The following OSBP2 variants were observed in gnomAD, a reference collection of about 807,000 sequenced individuals.
The protein encoded by OSBP2 is oxysterol binding protein 2, also known as oxysterol-binding protein 2.
Under a neutral mutation model 96.0 loss-of-function variants are expected in OSBP2, and 66 were observed. The observed-to-expected ratio is 0.69, with a 90% confidence interval of 0.56 to 0.84. The LOEUF is 0.84. Among genes scored for constraint, OSBP2 ranks in the 40% least tolerant of loss-of-function variants. The probability of loss-of-function intolerance (pLI) is 0.00; values close to 1 mark genes in which losing one functional copy is unlikely to be tolerated. For synonymous variants in OSBP2, 525 were observed against 520.9 expected (o/e 1.01, Z -0.11); for missense variants, 1,038 against 1,222.7 (o/e 0.85, Z 2.25).
intron 3 of OSBP2, among the ~76,000 whole-genome samples, chr22:30,883,794 G>A (rs553607449): frequency 2.2e-3 from 335 of 150,156 alleles, no homozygotes; most frequent in African/African-American, 7.9e-3. Context: ...CCCTGCCTCC[G>A]CCACCGCCCT....
At chr22:30,793,337 C>A (rs1399356468) in intron 2 of OSBP2, among the ~76,000 whole-genome samples, 1 of 152,086 alleles carries the variant, frequency 6.6e-6, no homozygotes, top group Non-Finnish European at 1.5e-5. Context: ...TTGCAGTGAG[C>A]TGAGATCACA....
At chr22:30,799,013 CAA>C (rs136275) in intron 2 of OSBP2, among the ~76,000 whole-genome samples, 53 of 91,826 alleles carry the variant, frequency 5.8e-4, no homozygotes, top group African/African-American at 1.3e-3. Flanking sequence ...GACTCTGTCT[CAA>C]AAAAAAAAAA....
chr22:30,805,505 T>A (rs1250321122), intron 2 of OSBP2, among the ~76,000 whole-genome samples: 1 of 152,248 alleles, frequency 6.6e-6, no homozygotes, highest in African/African-American at 2.4e-5. Flanking sequence ...TCTATAAGCC[T>A]CTGTTTTATC....
chr22:30,705,847 G>A (rs1318831885), intron 1 of OSBP2, among the ~76,000 whole-genome samples: 5 of 152,198 alleles, frequency 3.3e-5, no homozygotes, highest in African/African-American at 1.2e-4. Context: ...GAGTGGAGGA[G>A]GGGGAGGGAA....
At chr22:30,892,926 A>C (rs763413774) in intron 8 of OSBP2, among the ~76,000 whole-genome samples, 196 bp from the exon 9 acceptor site, 1 of 152,152 alleles carries the variant, frequency 6.6e-6, no homozygotes, top group Non-Finnish European at 1.5e-5. Context: ...CAGCACCCGG[A>C]TGCTTTTCTG....
Position 30,695,415 on chromosome 22 carries a change from C to G in OSBP2, c.506C>G (p.Thr169Ser). Residue 169 changes from threonine (T) to serine (S), a missense_variant, in exon 1 of 14, where the codon ACT becomes AGT. Around this residue, in one of 3 missense-constraint regions of OSBP2, gnomAD observed 281 missense variants for 273.4 expected, o/e 1.03. Coordinates refer to ENST00000332585, the MANE Select transcript of OSBP2 (RefSeq NM_030758.4). ...CCTCTTGGGGTTCCAATGTCGGGGA[C>G]TGGCACGACCTCCAGTGCCCCACTG... ...KTPLGVPMSG[T>S]GTTSSAPLAL... 6.2e-7 allele frequency: 1 copy of G among 1,613,812 alleles called. No homozygotes were observed. Among genetic ancestry groups the G allele is most frequent in the Non-Finnish European group, 8.5e-7 (1 of 1,180,020 alleles).
intron 2 of OSBP2, among the ~76,000 whole-genome samples, chr22:30,837,661 G>C (rs136214): frequency 0.97 from 147,569 of 152,332 alleles, 71,545 homozygotes; most frequent in East Asian, 1. Context: ...TGAGCCCTGC[G>C]CTCGTTTGCC....
chr22:30,905,761 G>C, intron 12 of OSBP2, 76 bp from the exon 13 acceptor site: 1 of 1,578,830 alleles, frequency 6.3e-7, no homozygotes, highest in Non-Finnish European at 8.6e-7. Context: ...GACACCGCCA[G>C]GCAGGGGAGG....
rs140083660 is a variant in OSBP2, at chr22:30,811,845, G to A, written c.854-58584G>A. Among the ~76,000 whole-genome samples, 789 of 148,922 alleles carry A rather than the reference G, an allele frequency of 5.3e-3. 11 individuals are homozygous for A. Among genetic ancestry groups the A allele is most frequent in the African/African-American group, 0.018 (747 of 40,408 alleles). On this transcript the variant is annotated intron_variant, in intron 2 of 13. Coordinates refer to ENST00000332585, the MANE Select transcript of OSBP2 (RefSeq NM_030758.4). Reference sequence around the variant, plus strand: ...GCTGGGATTACAGACATAAGCCACCGCGCCCGGCCTATTTTTTTTTTTATT... The same window carrying A: ...GCTGGGATTACAGACATAAGCCACCACGCCCGGCCTATTTTTTTTTTTATT...
intron 2 of OSBP2, among the ~76,000 whole-genome samples, chr22:30,801,760 G>A (rs2090853999): frequency 6.6e-6 from 1 of 152,094 alleles, no homozygotes; most frequent in Non-Finnish European, 1.5e-5. Flanking sequence ...AGTCACTTGA[G>A]GCCAGGAGTT....
intron 2 of OSBP2, among the ~76,000 whole-genome samples, chr22:30,788,995 G>C (rs1246621619): frequency 2.6e-5 from 4 of 152,284 alleles, no homozygotes; most frequent in Non-Finnish European, 5.9e-5. Flanking sequence ...TTACAAGCGT[G>C]AGCCACCACA....
chr22:30,751,321 G>A (rs1373340826), intron 2 of OSBP2, among the ~76,000 whole-genome samples: 1 of 151,264 alleles, frequency 6.6e-6, no homozygotes, highest in Non-Finnish European at 1.5e-5. Flanking sequence ...TGTATGTGTT[G>A]TGTGTGTGTG....
intron 2 of OSBP2, among the ~76,000 whole-genome samples, chr22:30,847,894 T>C (rs895930115): frequency 2.6e-5 from 4 of 152,192 alleles, no homozygotes; most frequent in African/African-American, 7.2e-5. Flanking sequence ...TAGAGGTTTA[T>C]AGATTTTATT....
Position 30,822,754 on chromosome 22 carries a change from C to T in OSBP2, c.854-47675C>T, listed in dbSNP as rs570515549. 2.1e-3 allele frequency: 3,001 copies of T among 1,438,602 alleles called. 23 individuals are homozygous for T. Among genetic ancestry groups the T allele is most frequent in the South Asian group, 0.01 (802 of 79,870 alleles). The allele number at this position is 1,438,602 out of a possible 1,614,324, so 89.1% of individuals were successfully genotyped here. A position where few individuals can be genotyped will look rare whatever the true frequency, so the allele number is the denominator to read the frequency against. On this transcript the variant is annotated intron_variant, in intron 2 of 13. Coordinates refer to ENST00000332585, the MANE Select transcript of OSBP2 (RefSeq NM_030758.4). ...CCACCCGGAGGGAGGCCAGGCTCCC[C>T]GCGCATGCACGCCCGGTGCCTGGCT...
At chr22:30,723,256 A>G (rs1298001878) in intron 1 of OSBP2, among the ~76,000 whole-genome samples, 4 of 149,362 alleles carry the variant, frequency 2.7e-5, no homozygotes, top group Non-Finnish European at 5.9e-5. Flanking sequence ...ACAGGTGCGA[A>G]CCACAAAGCC....
chr22:30,730,821 T>C, intron 1 of OSBP2, among the ~76,000 whole-genome samples: 1 of 130,288 alleles, frequency 7.7e-6, no homozygotes, highest in African/African-American at 2.8e-5. Context: ...TTTTTTTTTT[T>C]TTCCCATGGA....
intron 2 of OSBP2, among the ~76,000 whole-genome samples, chr22:30,745,065 T>G (rs1163426101): frequency 6.6e-6 from 1 of 152,034 alleles, no homozygotes; most frequent in Non-Finnish European, 1.5e-5. Flanking sequence ...TCTTAAACAA[T>G]GAGTGGATCA....
chr22:30,779,946 T>C (rs2090493661), intron 2 of OSBP2, among the ~76,000 whole-genome samples: 1 of 152,204 alleles, frequency 6.6e-6, no homozygotes, highest in South Asian at 2.1e-4. Flanking sequence ...TCTTCCCTCC[T>C]CAGGCTGTCT....
chr22:30,735,008 TAGTG>T (rs1197833388), intron 1 of OSBP2, among the ~76,000 whole-genome samples: 9 of 152,044 alleles, frequency 5.9e-5, no homozygotes, highest in Admixed American at 3.9e-4. Flanking sequence ...CTAGGCAACA[TAGTG>T]AGACCTTGTC....
Sources: gnomAD v4.1 joint callset for allele counts (sites outside exome capture counted in the v4.1 genomes callset) on GRCh38, gnomAD v4.1.1 for gene constraint, gnomAD v4.1.1 regional missense constraint, MANE v1.5 for transcripts, NCBI Gene and HGNC (gene_info 2026-07-23, HGNC 2026-07-21) for gene names.